Variants in PRKAG2 observed in about 807,000 individuals in gnomAD.
PRKAG2 encodes the protein 5'-AMP-activated protein kinase subunit gamma-2.
Under a neutral mutation model 69.6 loss-of-function variants are expected in PRKAG2, and 26 were observed. That is an observed-to-expected ratio of 0.37 (90% CI 0.27 to 0.52). PRKAG2 has a LOEUF of 0.52. Among genes scored for constraint, PRKAG2 ranks in the 20% least tolerant of loss-of-function variants. The pLI is 0.90. For missense variants in PRKAG2, 557 were observed against 740.0 expected (o/e 0.75, Z 2.87); for synonymous variants, 293 against 285.0 (o/e 1.03, Z -0.28).
intron 1 of PRKAG2, among the ~76,000 whole-genome samples, chr7:151,813,377 C>G (rs372032104): frequency 1.3e-5 from 2 of 151,958 alleles, no homozygotes; most frequent in Non-Finnish European, 2.9e-5. Context: ...AAGCCTCCCC[C>G]CAGGAGGGGG....
chr7:151,737,600 T>G (rs951253566), intron 3 of PRKAG2, among the ~76,000 whole-genome samples: 1 of 151,826 alleles, frequency 6.6e-6, no homozygotes, highest in African/African-American at 2.4e-5. Flanking sequence ...GGGGATGGAG[T>G]GTGGGGTGGA....
At chr7:151,675,154 C>G (rs980911543) in intron 4 of PRKAG2, 5 of 442,298 alleles carry the variant, frequency 1.1e-5, no homozygotes, top group Admixed American at 3.1e-5. Context: ...CTCCTGGCCT[C>G]AAGTGATCTG....
chr7:151,745,898 C>A (rs2074248601), intron 3 of PRKAG2, among the ~76,000 whole-genome samples: 1 of 152,164 alleles, frequency 6.6e-6, no homozygotes, highest in Non-Finnish European at 1.5e-5. Flanking sequence ...TGTCCAAGAG[C>A]ACACCAGGCC....
intron 5 of PRKAG2, among the ~76,000 whole-genome samples, chr7:151,625,485 G>C (rs1822614489): frequency 6.6e-6 from 1 of 152,208 alleles, no homozygotes; most frequent in South Asian, 2.1e-4. Context: ...GGAGGCTTTA[G>C]AAATGAAAGC....
chr7:151,824,493 T>C (rs772325249), intron 1 of PRKAG2, among the ~76,000 whole-genome samples: 11 of 152,192 alleles, frequency 7.2e-5, no homozygotes, highest in Non-Finnish European at 1.3e-4. Context: ...AATGAGATCC[T>C]AGTAGCCTCT....
rs1048444837 is a variant in PRKAG2 at position 151,777,575 on chromosome 7, G to A, written c.466+3577C>T. Reference sequence around the variant, plus strand: ...GCTCTGCATACCCCGGCTTTCCTTCGCCTTCCTCCATGAGTGGAAGCAGCC... The same window carrying A: ...GCTCTGCATACCCCGGCTTTCCTTCACCTTCCTCCATGAGTGGAAGCAGCC... On this transcript the variant is annotated intron_variant, in intron 3 of 15. Coordinates refer to ENST00000287878, the MANE Select transcript of PRKAG2 (RefSeq NM_016203.4). The surrounding 1 kb of genome is among the most constrained non-coding windows in gnomAD (Gnocchi z 4.3). Among the ~76,000 whole-genome samples, 1 of 151,936 alleles carries A rather than the reference G, an allele frequency of 6.6e-6. No individual in the cohort carries two copies. Among genetic ancestry groups the A allele is most frequent in the Non-Finnish European group, 1.5e-5 (1 of 68,012 alleles).
At position 151,565,787 on chromosome 7, in the gene PRKAG2, G is replaced by A; in HGVS notation, c.1332C>T (p.Pro444=). The change falls in exon 12 of 16, where the codon CCC becomes CCT. Residue 444 remains proline (P), a synonymous_variant. Coordinates refer to ENST00000287878, the MANE Select transcript of PRKAG2 (RefSeq NM_016203.4). The stretch of plus-strand genomic sequence containing the variant: ...CAAATATGTTCAAGGCTTTGATGAT[G>A]GGAGTGTCTGGATGTATGAAGGCAA... ...HNIAFIHPDT[P]IIKALNIFVE... 1 of 1,612,762 alleles carries A rather than the reference G, an allele frequency of 6.2e-7. No homozygotes were observed. The highest frequency in any genetic ancestry group is 8.5e-7 in the Non-Finnish European group (1 of 1,178,720).
At chr7:151,797,224 GC>G in intron 1 of PRKAG2, among the ~76,000 whole-genome samples, 1 of 67,018 alleles carries the variant, frequency 1.5e-5, no homozygotes, top group East Asian at 3.8e-4. Flanking sequence ...TCAGCTTCTT[GC>G]CACCCCCCCC....
chr7:151,872,055 G>A (rs375201371), intron 1 of PRKAG2, among the ~76,000 whole-genome samples: 3 of 152,190 alleles, frequency 2.0e-5, no homozygotes, highest in African/African-American at 7.2e-5. Flanking sequence ...GCTGGGGTGA[G>A]GAAGCAAATG....
At chr7:151,680,618 T>C (rs1833735439) in intron 3 of PRKAG2, among the ~76,000 whole-genome samples, 1 of 152,244 alleles carries the variant, frequency 6.6e-6, no homozygotes, top group Non-Finnish European at 1.5e-5. Context: ...TTTTTGATTT[T>C]TCAAACTTTC....
intron 8 of PRKAG2, among the ~76,000 whole-genome samples, chr7:151,573,968 A>G (rs1382741957): frequency 6.6e-6 from 1 of 151,968 alleles, no homozygotes; most frequent in African/African-American, 2.4e-5. Flanking sequence ...TAGTAGAGAC[A>G]GGGTTTCACT....
At chr7:151,785,125 C>T (rs144634363) in intron 2 of PRKAG2, among the ~76,000 whole-genome samples, 5 of 152,368 alleles carry the variant, frequency 3.3e-5, no homozygotes, top group East Asian at 3.9e-4. Flanking sequence ...TGCCTGGCTC[C>T]GCAGAGCTAA....
At chr7:151,773,035 G>C (rs913856579) in intron 3 of PRKAG2, among the ~76,000 whole-genome samples, 1 of 33,056 alleles carries the variant, frequency 3.0e-5, no homozygotes, top group South Asian at 1.4e-3. Flanking sequence ...GAGAGAGAGA[G>C]AGAGAGAGAG....
At chr7:151,628,376 C>T (rs547579341) in intron 5 of PRKAG2, among the ~76,000 whole-genome samples, 82 of 152,282 alleles carry the variant, frequency 5.4e-4, no homozygotes, top group African/African-American at 1.8e-3. Flanking sequence ...ACAGCAAAGA[C>T]GTGGTCGGTG....
intron 5 of PRKAG2, among the ~76,000 whole-genome samples, chr7:151,619,067 C>G (rs1199975349): frequency 6.6e-6 from 1 of 152,192 alleles, no homozygotes; most frequent in East Asian, 1.9e-4. Context: ...CCAATTAGTT[C>G]AAAGTGAGTT....
chr7:151,814,312 T>C lies in PRKAG2; in HGVS notation c.115-27771A>G, dbSNP rs2078570418. 11 of 804,262 alleles carry C rather than the reference T, an allele frequency of 1.4e-5. No homozygotes were observed. The highest frequency in any genetic ancestry group is 1.8e-5 in the Non-Finnish European group (11 of 623,914). The allele number at this position is 804,262 out of a possible 1,614,324, so 49.8% of individuals were successfully genotyped here. A position where few individuals can be genotyped will look rare whatever the true frequency, so the allele number is the denominator to read the frequency against. On this transcript the variant is annotated intron_variant, in intron 1 of 15. Transcript: ENST00000287878. This position sits in a 1 kb window ranked among gnomAD's most constrained non-coding sequence, Gnocchi z 4.8. ...GAACAAAGCCACAATTCAGCATCAG[T>C]CTTACACACCAAGGAGACAAAGCAT...
intron 3 of PRKAG2, among the ~76,000 whole-genome samples, chr7:151,692,736 C>A (rs529403067): frequency 7.2e-5 from 11 of 152,272 alleles, no homozygotes; most frequent in African/African-American, 2.6e-4. Context: ...GATGGAGACG[C>A]CTCAGCATGA....
chr7:151,568,837 A>T lies in PRKAG2; in HGVS notation c.1112T>A (p.Phe371Tyr), dbSNP rs769892556. Residue 371 changes from phenylalanine to tyrosine, a missense_variant, in exon 11 of 16, where the codon TTC (phenylalanine) becomes TAC (tyrosine). Physicochemically the swap from Phe to Tyr is conservative, Grantham distance 22. Transcript: ENST00000287878. ...TTTGATCAAGGAGTATACAGCATCG[A>T]AGAGGCTGTGGGAGAAGTCATTAAA... ...LVNISPDASLFDAVYSLIKNK... is the reference protein window; with the variant it reads ...LVNISPDASLYDAVYSLIKNK... 3 of 1,613,728 alleles carry T rather than the reference A, an allele frequency of 1.9e-6. No homozygotes were observed. The African/African-American group carries it at 4.0e-5, about 22-fold the overall frequency.
intron 3 of PRKAG2, among the ~76,000 whole-genome samples, chr7:151,747,200 A>G (rs1309313486): frequency 6.6e-6 from 1 of 152,152 alleles, no homozygotes; most frequent in Non-Finnish European, 1.5e-5. Flanking sequence ...GGATGTGTTG[A>G]CGCATATAGG....
Sources: allele counts gnomAD v4.1 joint callset (sites outside exome capture counted in the v4.1 genomes callset), GRCh38; gene constraint gnomAD v4.1.1; non-coding constraint Gnocchi (gnomAD v3.1); transcripts MANE v1.5; gene names NCBI Gene and HGNC (gene_info 2026-07-23, HGNC 2026-07-21).